The following EIF4ENIF1 variants were observed in gnomAD, a reference collection of about 807,000 sequenced individuals.
EIF4ENIF1 encodes eukaryotic translation initiation factor 4E nuclear import factor 1.
EIF4ENIF1 carries 23 observed loss-of-function variants against 110.5 expected under a neutral mutation model. The observed-to-expected ratio is 0.21, with a 90% CI of 0.15 to 0.29. The LOEUF (loss-of-function observed/expected upper bound fraction) is 0.29, where lower values mean the gene tolerates loss of function less well. Among genes scored for constraint, EIF4ENIF1 ranks in the 10% least tolerant of loss-of-function variants. The pLI, the probability that EIF4ENIF1 is intolerant of heterozygous loss-of-function variation, is 1.00. For missense variants in EIF4ENIF1, 1,031 were observed against 1,221.1 expected (o/e 0.84, Z 2.32); for synonymous variants, 440 against 437.0 (o/e 1.01, Z -0.09).
upstream of EIF4ENIF1, among the ~76,000 whole-genome samples, chr22:31,493,329 T>C (rs895089130): frequency 5.9e-5 from 9 of 152,068 alleles, no homozygotes; most frequent in Non-Finnish European, 1.3e-4. Flanking sequence ...GCGCCTGGCC[T>C]ATAACTTGTA....
At chr22:31,480,159 C>T (rs1414250450) in intron 2 of EIF4ENIF1, among the ~76,000 whole-genome samples, 2 of 152,116 alleles carry the variant, frequency 1.3e-5, no homozygotes, top group Non-Finnish European at 2.9e-5. Context: ...GCTAATTGCC[C>T]AAGAGCCACA....
chr22:31,437,366 C>T (rs2050185407), downstream of EIF4ENIF1: 1 of 152,032 alleles, frequency 6.6e-6, no homozygotes. Context: ...AAAGTTTCTC[C>T]AAAGACATCC....
intron 18 of EIF4ENIF1, among the ~76,000 whole-genome samples, chr22:31,440,398 G>GT (rs1480175651): frequency 9.2e-5 from 14 of 152,112 alleles, no homozygotes; most frequent in African/African-American, 2.7e-4. Context: ...ACATGAACTG[G>GT]TGAGGGGGTA....
In EIF4ENIF1 at chr22:31,450,304, A is replaced by G. The variant is rs1236225888; in HGVS notation, c.1569T>C (p.Pro523=). Residue 523 remains proline, a synonymous_variant, in exon 11 of 19, where the codon CCT becomes CCC. Transcript: ENST00000330125. The part of the protein sequence containing the change: ...SPAEIPGQPV[P]KNILQELLGQ... ...TGTGAAGTACCTGCAGGATGTTCTTAGGGACAGGCTGGCCTGGAATCTCAG... is the reference window on the plus strand; with the variant it reads ...TGTGAAGTACCTGCAGGATGTTCTTGGGGACAGGCTGGCCTGGAATCTCAG... The G allele has an allele frequency of 6.2e-7, 1 of 1,613,378 alleles. No individual in the cohort carries two copies. The highest frequency in any genetic ancestry group is 1.3e-5 in the African/African-American group (1 of 74,918).
chr22:31,490,975 CAG>C (rs775866944), upstream of EIF4ENIF1, among the ~76,000 whole-genome samples: 28 of 152,208 alleles, frequency 1.8e-4, no homozygotes, highest in Non-Finnish European at 3.5e-4. Flanking sequence ...ATCTTGGCAA[CAG>C]AAAACTTTTC....
intron 7 of EIF4ENIF1, among the ~76,000 whole-genome samples, chr22:31,456,985 G>A (rs1055326400): frequency 1.3e-5 from 2 of 152,136 alleles, no homozygotes; most frequent in Admixed American, 1.3e-4. Context: ...ATCAAGTATG[G>A]GGAACTGATG....
At chr22:31,476,739 G>A (rs766367869) in intron 2 of EIF4ENIF1, among the ~76,000 whole-genome samples, 51 of 152,060 alleles carry the variant, frequency 3.4e-4, no homozygotes, top group Admixed American at 1.0e-3. Context: ...GGGAGACTCA[G>A]GCAGGAGAAT....
chr22:31,460,360 G>A (rs2050951175), intron 6 of EIF4ENIF1, among the ~76,000 whole-genome samples: 1 of 152,164 alleles, frequency 6.6e-6, no homozygotes, highest in Non-Finnish European at 1.5e-5. Flanking sequence ...CAGACCAGGC[G>A]CAGTGGTTCA....
At position 31,481,124 on chromosome 22, in the gene EIF4ENIF1, T is replaced by C. The variant is rs2051799893; in HGVS notation, c.96+7499A>G. 2.6e-5 allele frequency among the ~76,000 whole-genome samples: 4 copies of C among 152,132 alleles called. 1 individual carries two copies. The South Asian group carries it at 8.3e-4, about 32-fold the overall frequency. Reference sequence around the variant, plus strand: ...GCCAGCCTGCTCTAACAACTTCCAGTAAGATAGGTTTTCTGGACAGTTGAC... The same window carrying C: ...GCCAGCCTGCTCTAACAACTTCCAGCAAGATAGGTTTTCTGGACAGTTGAC... On this transcript the variant is annotated intron_variant, in intron 2 of 18. Transcript: ENST00000330125.
At chr22:31,468,085 C>A in intron 4 of EIF4ENIF1, 90 bp downstream of exon 4, 1 of 1,524,734 alleles carries the variant, frequency 6.6e-7, no homozygotes, top group Non-Finnish European at 8.9e-7. Flanking sequence ...CCCCTCAAAG[C>A]ATAAAATTCT....
rs1287270066 is a variant in EIF4ENIF1, at chr22:31,443,059, A to G, written c.2109T>C (p.Arg703=). ...SPSFTPTSVI[R]KMYESKEKSK... ...TTTTCTCTTTGCTCTCGTACATCTTACGAATCACTGAGGTAGGGGTAAAGG... is the reference window on the plus strand; with the variant it reads ...TTTTCTCTTTGCTCTCGTACATCTTGCGAATCACTGAGGTAGGGGTAAAGG... Residue 703 remains arginine (R), a synonymous_variant, in exon 16 of 19, where the codon CGT becomes CGC. Transcript: ENST00000330125. 3 of 1,614,140 alleles carry G rather than the reference A, an allele frequency of 1.9e-6. No individual in the cohort carries two copies. Among genetic ancestry groups the G allele is most frequent in the Non-Finnish European group, 2.5e-6 (3 of 1,180,028 alleles).
At chr22:31,482,220 CTTAACT>C (rs1857869548) in intron 2 of EIF4ENIF1, among the ~76,000 whole-genome samples, 1 of 151,742 alleles carries the variant, frequency 6.6e-6, no homozygotes, top group Admixed American at 6.6e-5. Context: ...TCAACATTCA[CTTAACT>C]TTAATACGCA....
intron 6 of EIF4ENIF1, among the ~76,000 whole-genome samples, chr22:31,460,541 A>G (rs1483962499): frequency 6.6e-6 from 1 of 151,986 alleles, no homozygotes; most frequent in Non-Finnish European, 1.5e-5. Context: ...CTGAGGCAGA[A>G]TTGCTTGACC....
intron 14 of EIF4ENIF1, chr22:31,446,819 C>T (rs1297030353): frequency 2.9e-5 from 8 of 279,296 alleles, no homozygotes; most frequent in Non-Finnish European, 5.2e-5. Flanking sequence ...ATAATATTGC[C>T]ACTCCTTTCC....
downstream of EIF4ENIF1, among the ~76,000 whole-genome samples, chr22:31,438,727 C>CTTT: frequency 6.9e-6 from 1 of 145,306 alleles, no homozygotes; most frequent in South Asian, 2.2e-4. Context: ...GTCCAATTAA[C>CTTT]TTTTTTTTTT....
chr22:31,464,701 T>TAC, intron 4 of EIF4ENIF1, among the ~76,000 whole-genome samples: 1 of 36,496 alleles, frequency 2.7e-5, no homozygotes, highest in South Asian at 9.9e-4. Context: ...AAAAAAAAAA[T>TAC]ATATATATAT....
chr22:31,474,505 C>T (rs867535518), intron 2 of EIF4ENIF1, among the ~76,000 whole-genome samples: 4 of 144,996 alleles, frequency 2.8e-5, no homozygotes, highest in African/African-American at 2.5e-5. Context: ...TTTTTTTTTC[C>T]TAAAGACTGT....
At chr22:31,455,669 A>C (rs547762922) in intron 8 of EIF4ENIF1, among the ~76,000 whole-genome samples, 183 bp downstream of exon 8, 1 of 152,214 alleles carries the variant, frequency 6.6e-6, no homozygotes, top group Admixed American at 6.5e-5. Flanking sequence ...AAGTGCTGGG[A>C]TTACAGGCGT....
At chr22:31,443,806 C>CTTTTTT (rs386395221) in intron 15 of EIF4ENIF1, among the ~76,000 whole-genome samples, 2 of 129,166 alleles carry the variant, frequency 1.5e-5, no homozygotes, top group Non-Finnish European at 3.3e-5. Context: ...GGGAATGAAC[C>CTTTTTT]TTTTTTTTTT....
Sources: allele counts gnomAD v4.1 joint callset (sites outside exome capture counted in the v4.1 genomes callset), GRCh38; gene constraint gnomAD v4.1.1; transcripts MANE v1.5; gene names NCBI Gene and HGNC (gene_info 2026-07-23, HGNC 2026-07-21).